METTL24: variants seen among roughly 807,000 people sequenced by gnomAD.
METTL24 encodes the protein methyltransferase like 24.
In METTL24, 29 loss-of-function variants were observed where a neutral mutation model predicts 32.7. That is an observed-to-expected ratio of 0.89 (90% CI 0.66 to 1.21). METTL24 has a LOEUF of 1.21. Among genes scored for constraint, METTL24 ranks in the 50% most tolerant of loss-of-function variants. METTL24 has a pLI of 0.00. For missense variants in METTL24, 439 were observed against 468.1 expected, an observed-to-expected ratio of 0.94 and a Z score of 0.57; for synonymous variants, 163 against 179.5, an observed-to-expected ratio of 0.91 and a Z score of 0.73.
In METTL24 at chr6:110,245,965, A is replaced by G. The variant is rs1296626718; in HGVS notation, c.1082T>C (p.Val361Ala). The G allele has an allele frequency of 1.9e-6, 3 of 1,612,490 alleles. No individual in the cohort carries two copies. The highest frequency in any genetic ancestry group is 2.2e-5 in the East Asian group (1 of 44,846). ...TGCATCCTATTTCCATCTTGTATTC[A>G]CCCAACTCAGAGTATAACAGCTACT... ...NASSCYTLSWVNTRWK is the reference protein window; with the variant it reads ...NASSCYTLSWANTRWK Residue 361 changes from valine (V) to alanine (A), a missense_variant, in exon 5 of 5, where the codon GTG becomes GCG. By Grantham distance (64) the Val-to-Ala change is moderately conservative (BLOSUM62 0). Transcript: ENST00000338882.
intron 4 of METTL24, among the ~76,000 whole-genome samples, chr6:110,297,278 G>T (rs146365484): frequency 1.4e-3 from 206 of 152,216 alleles, no homozygotes; most frequent in African/African-American, 4.4e-3. Flanking sequence ...AGCTCCCATG[G>T]AGCTAAACAA....
At chr6:110,304,936 C>T (rs949004639) in intron 3 of METTL24, among the ~76,000 whole-genome samples, 1 of 152,154 alleles carries the variant, frequency 6.6e-6, no homozygotes, top group Non-Finnish European at 1.5e-5. Flanking sequence ...CAAAGGGAAG[C>T]CCATCAGACT....
intron 1 of METTL24, among the ~76,000 whole-genome samples, chr6:110,337,836 T>C (rs1772269053): frequency 1.3e-5 from 2 of 152,216 alleles, no homozygotes; most frequent in African/African-American, 2.4e-5. Flanking sequence ...ATGTGCAAAA[T>C]AGACCATGCA....
At chr6:110,318,149 A>G (rs1169267740) in intron 2 of METTL24, among the ~76,000 whole-genome samples, 12 of 152,234 alleles carry the variant, frequency 7.9e-5, no homozygotes, top group Non-Finnish European at 1.5e-5. Flanking sequence ...GAAGATCCGC[A>G]GTGAGGGCTT....
At chr6:110,253,642 A>G (rs999316446) in intron 4 of METTL24, among the ~76,000 whole-genome samples, 2 of 152,224 alleles carry the variant, frequency 1.3e-5, no homozygotes, top group African/African-American at 4.8e-5. Flanking sequence ...TAAAATACCT[A>G]TAATCCAGAA....
chr6:110,267,320 A>G (rs1770873712), intron 4 of METTL24, among the ~76,000 whole-genome samples: 1 of 152,256 alleles, frequency 6.6e-6, no homozygotes, highest in Non-Finnish European at 1.5e-5. Flanking sequence ...ACAAGTTTTG[A>G]ACTTCCTGTT....
chr6:110,325,596 T>A (rs376086490), intron 1 of METTL24, among the ~76,000 whole-genome samples: 2 of 152,222 alleles, frequency 1.3e-5, no homozygotes, highest in Non-Finnish European at 2.9e-5. Context: ...TCCCAAAGTC[T>A]TGTGCTTTGG....
At chr6:110,309,074 G>A (rs1771672969) in intron 3 of METTL24, among the ~76,000 whole-genome samples, 1 of 152,178 alleles carries the variant, frequency 6.6e-6, no homozygotes, top group South Asian at 2.1e-4. Flanking sequence ...CCATAGAACT[G>A]TATATTTTAA....
chr6:110,298,884 T>C (rs764878287), intron 4 of METTL24, 38 bp downstream of exon 4: 2 of 1,574,564 alleles, frequency 1.3e-6, no homozygotes, highest in East Asian at 4.5e-5. Context: ...TGGGTTTGTT[T>C]ACTTTATTCA....
chr6:110,342,127 C>A (rs1480085555), intron 1 of METTL24, among the ~76,000 whole-genome samples: 1 of 152,206 alleles, frequency 6.6e-6, no homozygotes, highest in Non-Finnish European at 1.5e-5. Context: ...CCCTGGTGGT[C>A]AGTGTCAGTG....
chr6:110,351,960 T>A (rs186108663), intron 1 of METTL24, among the ~76,000 whole-genome samples: 1 of 152,390 alleles, frequency 6.6e-6, no homozygotes, highest in Non-Finnish European at 1.5e-5. Flanking sequence ...TAAAAAAATT[T>A]AATTGTTAAT....
At chr6:110,350,653 C>A (rs1398677276) in intron 1 of METTL24, among the ~76,000 whole-genome samples, 3 of 151,712 alleles carry the variant, frequency 2.0e-5, no homozygotes, top group Non-Finnish European at 4.4e-5. Context: ...GGGACGGGTG[C>A]GGTGACTCAC....
intron 1 of METTL24, among the ~76,000 whole-genome samples, chr6:110,347,853 G>T (rs941892828): frequency 6.6e-6 from 1 of 152,156 alleles, no homozygotes; most frequent in Non-Finnish European, 1.5e-5. Flanking sequence ...CATAATAAAT[G>T]AGTTATATGG....
intron 4 of METTL24, among the ~76,000 whole-genome samples, chr6:110,276,834 C>CA (rs992183417): frequency 2.0e-5 from 3 of 151,848 alleles, no homozygotes; most frequent in African/African-American, 2.4e-5. Context: ...AAAAGAAAAA[C>CA]AAAAAACAAA....
In METTL24 at chr6:110,297,969, C is replaced by G. The variant is rs1332334075; in HGVS notation, c.786+953G>C. On this transcript the variant is annotated intron_variant, in intron 4 of 4. Transcript: ENST00000338882. Reference sequence around the variant, plus strand: ...GGAAGAAGAAGAGGGGGAGGAGGGACAAGGAAGAGGAAGATGAAGAAAGGA... The same window carrying G: ...GGAAGAAGAAGAGGGGGAGGAGGGAGAAGGAAGAGGAAGATGAAGAAAGGA... Among the ~76,000 whole-genome samples the G allele has an allele frequency of 8.6e-5, 13 of 150,844 alleles. No individual in the cohort carries two copies. The East Asian group carries it at 2.3e-3, about 27-fold the overall frequency.
At chr6:110,292,131 A>G (rs1004241344) in intron 4 of METTL24, among the ~76,000 whole-genome samples, 7 of 152,244 alleles carry the variant, frequency 4.6e-5, no homozygotes, top group African/African-American at 1.7e-4. Flanking sequence ...CCATTTAACT[A>G]CTTCCACAAT....
intron 4 of METTL24, among the ~76,000 whole-genome samples, chr6:110,293,428 T>C (rs1771355689): frequency 6.6e-6 from 1 of 152,034 alleles, no homozygotes; most frequent in African/African-American, 2.4e-5. Context: ...TATACTGTAC[T>C]CAGACAACTC....
intron 3 of METTL24, among the ~76,000 whole-genome samples, chr6:110,304,869 GT>G (rs1771600336): frequency 6.6e-6 from 1 of 152,088 alleles, no homozygotes; most frequent in Admixed American, 6.6e-5. Flanking sequence ...ATTCACCAAG[GT>G]TGAAACAAAA....
intron 4 of METTL24, among the ~76,000 whole-genome samples, chr6:110,278,175 A>G (rs544167355): frequency 1.3e-4 from 20 of 152,252 alleles, no homozygotes; most frequent in Admixed American, 1.2e-3. Flanking sequence ...AGGCATGCTG[A>G]GTCTTTCATT....
Sources: gnomAD v4.1 joint callset for allele counts (sites outside exome capture counted in the v4.1 genomes callset) on GRCh38, gnomAD v4.1.1 for gene constraint, MANE v1.5 for transcripts, NCBI Gene and HGNC (gene_info 2026-07-23, HGNC 2026-07-21) for gene names.